The following ATRNL1 variants were observed in gnomAD, a reference collection of about 807,000 sequenced individuals.
ATRNL1 encodes attractin like 1.
A neutral mutation model predicts 182.7 loss-of-function variants in ATRNL1; 95 were observed. The ratio of observed to expected loss-of-function variants is 0.52; its 90% CI spans 0.44 to 0.62. The LOEUF is 0.62. Ranked by LOEUF, ATRNL1 falls within the 20% of genes least tolerant of loss-of-function variation. ATRNL1 has a pLI of 0.00. For synonymous variants in ATRNL1, 576 were observed against 568.3 expected, an observed-to-expected ratio of 1.01 and a Z score of -0.19; for missense variants, 1,471 against 1,679.5, an observed-to-expected ratio of 0.88 and a Z score of 2.17.
At chr10:115,565,985 A>G (rs1366216500) in intron 26 of ATRNL1, among the ~76,000 whole-genome samples, 1 of 152,200 alleles carries the variant, frequency 6.6e-6, no homozygotes, top group East Asian at 1.9e-4. Context: ...ATGCTGAAGT[A>G]GTGACATTGT....
At chr10:115,241,528 T>C (rs782760984) in intron 9 of ATRNL1, 43 bp from the exon 10 acceptor site, 2 of 1,391,050 alleles carry the variant, frequency 1.4e-6, no homozygotes, top group Non-Finnish European at 2.0e-6. Flanking sequence ...ATCAGGGAGG[T>C]CATTTTATCC....
intron 27 of ATRNL1, among the ~76,000 whole-genome samples, chr10:115,776,652 T>G (rs910795579): frequency 7.3e-5 from 11 of 150,146 alleles, no homozygotes; most frequent in African/African-American, 2.3e-4. Flanking sequence ...TGAAGAGACC[T>G]GTGTGCAAAG....
At chr10:115,119,234 A>G (rs1165225715) in intron 1 of ATRNL1, among the ~76,000 whole-genome samples, 1 of 152,068 alleles carries the variant, frequency 6.6e-6, no homozygotes, top group Admixed American at 6.6e-5. Context: ...ATTTCTGTCA[A>G]CCCTGATTTA....
intron 27 of ATRNL1, among the ~76,000 whole-genome samples, chr10:115,779,165 G>A (rs1949202489): frequency 6.6e-6 from 1 of 152,144 alleles, no homozygotes; most frequent in African/African-American, 2.4e-5. Context: ...AGAAATTCAA[G>A]CTTAGCACCT....
intron 24 of ATRNL1, among the ~76,000 whole-genome samples, chr10:115,478,428 T>G (rs929023107): frequency 1.3e-5 from 2 of 151,772 alleles, no homozygotes; most frequent in East Asian, 3.9e-4. Context: ...GGGGCTCTTC[T>G]TAGCCTCTAG....
chr10:115,394,979 A>G (rs1844213449), intron 20 of ATRNL1, among the ~76,000 whole-genome samples: 1 of 151,956 alleles, frequency 6.6e-6, no homozygotes, highest in African/African-American at 2.4e-5. Flanking sequence ...GATACTGTGC[A>G]TAGTACCCAA....
chr10:115,237,533 A>T (rs3098984), intron 9 of ATRNL1, among the ~76,000 whole-genome samples: 152,372 of 152,372 alleles, frequency 1, 76,186 homozygotes, highest in Non-Finnish European at 1. Context: ...ATGTCTTCTT[A>T]GAAAAGGTGT....
chr10:115,833,514 A>G (rs1167880447), intron 27 of ATRNL1, among the ~76,000 whole-genome samples: 1 of 152,204 alleles, frequency 6.6e-6, no homozygotes, highest in Admixed American at 6.5e-5. Context: ...TATTATAGTA[A>G]GAGTGTATGC....
intron 25 of ATRNL1, among the ~76,000 whole-genome samples, chr10:115,544,024 A>C (rs1297111842): frequency 6.6e-6 from 1 of 152,106 alleles, no homozygotes; most frequent in Non-Finnish European, 1.5e-5. Context: ...AGAAAGCCCA[A>C]TTATTCCCCC....
chr10:115,266,954 G>C lies in ATRNL1; in HGVS notation c.1930G>C (p.Glu644Gln), dbSNP rs1554910955. Residue 644 changes from glutamate to glutamine, a missense_variant, in exon 12 of 29, where the codon GAA (glutamate) becomes CAA (glutamine). Glu to Gln is a conservative substitution (Grantham distance 29). This residue lies in a region of ATRNL1 where 1,031 missense variants were observed against 1,156.0 expected (regional missense o/e 0.89). Transcript: ENST00000355044. Reference protein sequence around the residue: ...VWNKNHCESWESGNTNNILRA... With the variant: ...VWNKNHCESWQSGNTNNILRA... ...GAATAAAAATCACTGTGAATCTTGG[G>C]AATCTGGGAATACTAATAATATTCT... The C allele has an allele frequency of 6.2e-7, 1 of 1,611,834 alleles. No individual in the cohort carries two copies. Among genetic ancestry groups the C allele is most frequent in the African/African-American group, 1.3e-5 (1 of 74,832 alleles).
chr10:115,490,736 G>T (rs1008563606), intron 24 of ATRNL1, among the ~76,000 whole-genome samples: 1 of 152,114 alleles, frequency 6.6e-6, no homozygotes, highest in African/African-American at 2.4e-5. Flanking sequence ...CTGTCAGTTT[G>T]TCAAACTCAT....
chr10:115,171,093 T>A lies in ATRNL1; in HGVS notation c.1149T>A (p.Asp383Glu). The A allele has an allele frequency of 6.3e-7, 1 of 1,591,522 alleles. No individual in the cohort carries two copies. The highest frequency in any genetic ancestry group is 8.6e-7 in the Non-Finnish European group (1 of 1,166,936). Residue 383 changes from aspartate to glutamate, a missense_variant, in exon 8 of 29, where the codon GAT (aspartate) becomes GAA (glutamate). Physicochemically the swap from Asp to Glu is conservative, Grantham distance 45. Transcript: ENST00000355044. Reference sequence around the variant, plus strand: ...AAACAAATGATGGCAATGTCACAGATGAATTATGGGTTTTTAACATACATA... The same window carrying A: ...AAACAAATGATGGCAATGTCACAGAAGAATTATGGGTTTTTAACATACATA... ...RIETNDGNVTDELWVFNIHSQ... is the reference protein window; with the variant it reads ...RIETNDGNVTEELWVFNIHSQ...
chr10:115,552,304 A>T (rs1398472147), intron 26 of ATRNL1, among the ~76,000 whole-genome samples: 2 of 151,382 alleles, frequency 1.3e-5, no homozygotes, highest in Non-Finnish European at 3.0e-5. Context: ...GATTAACTGT[A>T]ATATTTCCCA....
chr10:115,659,637 G>A (rs1054847356), intron 26 of ATRNL1, among the ~76,000 whole-genome samples: 2 of 152,008 alleles, frequency 1.3e-5, no homozygotes, highest in Non-Finnish European at 2.9e-5. Context: ...TTAATGTAAT[G>A]AGTCCTACAC....
At chr10:115,531,827 A>G (rs2133749166) in intron 25 of ATRNL1, among the ~76,000 whole-genome samples, 1 of 145,448 alleles carries the variant, frequency 6.9e-6, no homozygotes, top group South Asian at 2.3e-4. Flanking sequence ...GAAGGGATCC[A>G]GTTTCAGCAT....
chr10:115,566,764 A>G (rs548874842), intron 26 of ATRNL1, among the ~76,000 whole-genome samples: 10 of 152,110 alleles, frequency 6.6e-5, no homozygotes, highest in Non-Finnish European at 1.3e-4. Context: ...TTATGACTGT[A>G]TTATGATACC....
At chr10:115,151,225 G>A (rs1313939) in intron 5 of ATRNL1, among the ~76,000 whole-genome samples, 6,316 of 152,110 alleles carry the variant, frequency 0.042, 437 homozygotes, top group African/African-American at 0.14. Flanking sequence ...ATAATCCTTT[G>A]GGTATATACC....
intron 1 of ATRNL1, among the ~76,000 whole-genome samples, chr10:115,099,380 G>C (rs191370324): frequency 2.6e-5 from 4 of 152,306 alleles, no homozygotes; most frequent in Admixed American, 2.6e-4. Flanking sequence ...TTATAAAGCT[G>C]CTACGAAGTT....
chr10:115,883,055 G>A (rs1260765104), intron 28 of ATRNL1, among the ~76,000 whole-genome samples: 5 of 152,072 alleles, frequency 3.3e-5, no homozygotes, highest in African/African-American at 4.8e-5. Context: ...TCCAAGCTGC[G>A]ACCTCTTGAT....
Sources: gnomAD v4.1 joint callset for allele counts (sites outside exome capture counted in the v4.1 genomes callset) on GRCh38, gnomAD v4.1.1 for gene constraint, gnomAD v4.1.1 regional missense constraint, MANE v1.5 for transcripts, NCBI Gene and HGNC (gene_info 2026-07-23, HGNC 2026-07-21) for gene names.